Variants in PTPRN2 observed in about 807,000 individuals in gnomAD.
PTPRN2 encodes the protein receptor-type tyrosine-protein phosphatase N2.
Under a neutral mutation model 118.8 loss-of-function variants are expected in PTPRN2, and 74 were observed. That is an observed-to-expected ratio of 0.62 (90% CI 0.52 to 0.76). PTPRN2 has a LOEUF of 0.76. Among genes scored for constraint, PTPRN2 ranks in the 30% least tolerant of loss-of-function variants. PTPRN2 has a pLI of 0.00. For synonymous variants in PTPRN2, 641 were observed against 608.0 expected (o/e 1.05, Z -0.80); for missense variants, 1,481 against 1,394.4 (o/e 1.06, Z -0.99).
intron 5 of PTPRN2, among the ~76,000 whole-genome samples, chr7:158,169,163 T>C (rs983304796): frequency 6.6e-6 from 1 of 152,154 alleles, no homozygotes; most frequent in Non-Finnish European, 1.5e-5. Context: ...CCGAAAATAT[T>C]TGGGTTCATC....
rs553748280 is a variant in PTPRN2, at chr7:158,332,400, C to A, written c.164-15468G>T. Among the ~76,000 whole-genome samples the A allele has an allele frequency of 3.0e-4, 39 of 129,078 alleles. 1 individual carries two copies. Among genetic ancestry groups the A allele is most frequent in the African/African-American group, 1.0e-3 (38 of 37,190 alleles). 84.7% of individuals were successfully genotyped at this position (129,078 alleles called of 152,430 possible). ...GTGACACCTGCAGATGTCACTCACA[C>A]CCATACTCTCAACATAAGAGCTGAC... On this transcript the variant is annotated intron_variant, in intron 2 of 22. Transcript: ENST00000389418.
At position 158,441,973 on chromosome 7, in the gene PTPRN2, AGTG is replaced by A. The variant is rs144088173; in HGVS notation, c.163+47759_163+47761del. On this transcript the variant is annotated intron_variant, in intron 2 of 22. Transcript: ENST00000389418. ...TGATAGTGATAGTGATGGTCATGGCAGTGGTGGTGGTGGTGATAGTGATGGTCA... is the reference window on the plus strand; with the variant it reads ...TGATAGTGATAGTGATGGTCATGGCAGTGGTGGTGGTGATAGTGATGGTCA... Among the ~76,000 whole-genome samples the A allele has an allele frequency of 3.2e-3, 186 of 59,014 alleles. 11 individuals carry two copies. Among genetic ancestry groups the A allele is most frequent in the East Asian group, 7.1e-3 (6 of 848 alleles). 38.7% of individuals were successfully genotyped at this position (59,014 alleles called of 152,430 possible).
rs564320222 is a variant in PTPRN2 at position 158,218,758 on chromosome 7, AAAC to A, written c.278-13488_278-13486del. ...GAGAAAGATCTATCTTGTAAGTGGAAAACAACAAAGAGCAGAGGTTGCTATTCT... is the reference window on the plus strand; with the variant it reads ...GAGAAAGATCTATCTTGTAAGTGGAAAACAAAGAGCAGAGGTTGCTATTCT... On this transcript the variant is annotated intron_variant, in intron 3 of 22. Coordinates refer to ENST00000389418, the MANE Select transcript of PTPRN2 (RefSeq NM_002847.5). 2.1e-3 allele frequency among the ~76,000 whole-genome samples: 313 copies of A among 152,310 alleles called. 2 individuals carry two copies. Among genetic ancestry groups the A allele is most frequent in the Non-Finnish European group, 1.6e-3 (108 of 68,010 alleles).
intron 14 of PTPRN2, among the ~76,000 whole-genome samples, chr7:157,636,603 C>T (rs1214253739): frequency 1.3e-5 from 2 of 152,332 alleles, no homozygotes; most frequent in Admixed American, 6.5e-5. Context: ...CAAATATTTA[C>T]CCATGGTATT....
At chr7:158,136,788 A>G (rs1294664259) in intron 7 of PTPRN2, 93 bp from the exon 8 acceptor site, 20 of 1,190,484 alleles carry the variant, frequency 1.7e-5, no homozygotes, top group Non-Finnish European at 2.4e-5. Flanking sequence ...AGACCCCTCC[A>G]TACGAAAGGT....
chr7:157,757,684 T>TTA (rs11380314), intron 12 of PTPRN2, among the ~76,000 whole-genome samples: 9 of 148,142 alleles, frequency 6.1e-5, no homozygotes, highest in African/African-American at 2.0e-4. Context: ...TTTTTTTTTT[T>TTA]AAACCTCCCC....
At chr7:157,989,689 C>T (rs1322249170) in intron 11 of PTPRN2, among the ~76,000 whole-genome samples, 3 of 151,308 alleles carry the variant, frequency 2.0e-5, no homozygotes, top group Middle Eastern at 3.4e-3. Flanking sequence ...GCAGCGGGGG[C>T]GGGTGCCACC....
rs1464742310 is a variant in PTPRN2 at position 157,987,480 on chromosome 7, A to G, written c.1724-88743T>C. Among the ~76,000 whole-genome samples, 1 of 152,076 alleles carries G rather than the reference A, an allele frequency of 6.6e-6. No homozygotes were observed. The highest frequency in any genetic ancestry group is 1.5e-5 in the Non-Finnish European group (1 of 68,008). On this transcript the variant is annotated intron_variant, in intron 11 of 22. Transcript: ENST00000389418. The surrounding 1 kb of genome is among the most constrained non-coding windows in gnomAD (Gnocchi z 4.3). ...GGGGGCGTAGTGTCCGGTCACTAAT[A>G]GGGTGTGATGACCTGTCAGTCATTA...
At chr7:157,979,981 C>G (rs935993145) in intron 11 of PTPRN2, among the ~76,000 whole-genome samples, 1 of 152,194 alleles carries the variant, frequency 6.6e-6, no homozygotes, top group African/African-American at 2.4e-5. Context: ...CATCAGATAA[C>G]TAATAGAGTC....
At chr7:158,457,589 T>C (rs1224966983) in intron 2 of PTPRN2, among the ~76,000 whole-genome samples, 1 of 94,564 alleles carries the variant, frequency 1.1e-5, no homozygotes, top group Non-Finnish European at 2.2e-5. Flanking sequence ...GCAAAGGTGC[T>C]ACCTCGGCCT....
chr7:157,917,464 G>A (rs1798472133), intron 11 of PTPRN2, among the ~76,000 whole-genome samples: 1 of 152,222 alleles, frequency 6.6e-6, no homozygotes, highest in African/African-American at 2.4e-5. Context: ...GTCTCCTGTG[G>A]ATTCTGCCGG....
chr7:157,750,809 T>A (rs967739660), intron 12 of PTPRN2, among the ~76,000 whole-genome samples: 3 of 151,992 alleles, frequency 2.0e-5, no homozygotes, highest in African/African-American at 7.3e-5. Context: ...GAAGGAAGGG[T>A]GTAAAGCCCG....
In PTPRN2 at chr7:158,081,282, G is replaced by A. The variant is rs1172886617; in HGVS notation, c.1723+16C>T. On this transcript the variant is annotated intron_variant, in intron 11 of 22. Coordinates refer to ENST00000389418, the MANE Select transcript of PTPRN2 (RefSeq NM_002847.5). ...CACGTGTGTGTGCGTGTACGTGTGT[G>A]TGGAAACAGCCTCACCTGTGGCCTT... 1 of 1,609,666 alleles carries A rather than the reference G, an allele frequency of 6.2e-7. No individual in the cohort carries two copies. Among genetic ancestry groups the A allele is most frequent in the Non-Finnish European group, 8.5e-7 (1 of 1,176,110 alleles).
chr7:158,441,261 A>ATGGTGATAGTGATGGTGATGGTGG (rs1817128808), intron 2 of PTPRN2, among the ~76,000 whole-genome samples: 1 of 61,654 alleles, frequency 1.6e-5, no homozygotes, highest in Non-Finnish European at 4.3e-5. Context: ...GGTGATGGTG[A>ATGGTGATAGTGATGGTGATGGTGG]TGGTGATAGT....
At chr7:158,313,364 C>G (rs1158724814) in intron 3 of PTPRN2, among the ~76,000 whole-genome samples, 1 of 152,224 alleles carries the variant, frequency 6.6e-6, no homozygotes, top group Non-Finnish European at 1.5e-5. Context: ...GTCAGCAATT[C>G]TGTGTCCCCA....
chr7:158,117,604 G>A (rs1816829715), intron 9 of PTPRN2, among the ~76,000 whole-genome samples: 1 of 152,164 alleles, frequency 6.6e-6, no homozygotes, highest in South Asian at 2.1e-4. Context: ...TTAACTCAGA[G>A]ACACATTTTA....
At position 158,131,807 on chromosome 7, in the gene PTPRN2, C is replaced by T. The variant is rs545117001; in HGVS notation, c.1556+1870G>A. 3.3e-3 allele frequency among the ~76,000 whole-genome samples: 500 copies of T among 151,314 alleles called. 3 individuals are homozygous for T. The highest frequency in any genetic ancestry group is 0.02 in the Middle Eastern group (6 of 294). On this transcript the variant is annotated intron_variant, in intron 9 of 22. Coordinates refer to ENST00000389418, the MANE Select transcript of PTPRN2 (RefSeq NM_002847.5). ...CCCGACATACACACTCATACACACA[C>T]ACACAAATACGCAAATACACACATC...
chr7:157,839,350 G>A (rs1018821393), intron 12 of PTPRN2, among the ~76,000 whole-genome samples: 18 of 152,158 alleles, frequency 1.2e-4, no homozygotes, highest in Non-Finnish European at 2.5e-4. Context: ...GTGTATGACT[G>A]TGTGTGTCTG....
At chr7:158,456,751 C>G (rs1818539561) in intron 2 of PTPRN2, among the ~76,000 whole-genome samples, 2 of 152,228 alleles carry the variant, frequency 1.3e-5, no homozygotes, top group African/African-American at 4.8e-5. Flanking sequence ...TTCTGTGTAT[C>G]TCTAGCAAAT....
Sources: allele counts gnomAD v4.1 joint callset (sites outside exome capture counted in the v4.1 genomes callset), GRCh38; gene constraint gnomAD v4.1.1; non-coding constraint Gnocchi (gnomAD v3.1); transcripts MANE v1.5; gene names NCBI Gene and HGNC (gene_info 2026-07-23, HGNC 2026-07-21).